CHN1: variants seen among roughly 807,000 people sequenced by gnomAD.
The protein encoded by CHN1 is chimerin 1, also known as N-chimaerin.
In CHN1, 37 loss-of-function variants were observed where a neutral mutation model predicts 59.5. That is an observed-to-expected ratio of 0.62 (90% CI 0.48 to 0.82). The LOEUF is 0.82. CHN1 is among the 40% of genes least tolerant of loss of function. CHN1 has a pLI of 0.00. For missense variants in CHN1, 469 were observed against 571.0 expected, an observed-to-expected ratio of 0.82 and a Z score of 1.82; for synonymous variants, 206 against 200.4, an observed-to-expected ratio of 1.03 and a Z score of -0.24.
chr2:174,897,004 G>A (rs575480167), intron 5 of CHN1, among the ~76,000 whole-genome samples: 98 of 152,224 alleles, frequency 6.4e-4, no homozygotes, highest in African/African-American at 2.3e-3. Context: ...AGCACAGAGA[G>A]GAGGGAAGCA....
intron 1 of CHN1, among the ~76,000 whole-genome samples, chr2:174,953,622 A>C (rs982779471): frequency 6.6e-6 from 1 of 152,180 alleles, no homozygotes; most frequent in South Asian, 2.1e-4. Flanking sequence ...CTATACACCA[A>C]CTGTGACCAA....
At chr2:174,800,372 A>G (rs1684681233) in intron 12 of CHN1, 85 bp from the exon 13 acceptor site, 1 of 1,093,740 alleles carries the variant, frequency 9.1e-7, no homozygotes. Flanking sequence ...AACAAGATTC[A>G]CAATAAAAGT....
chr2:174,845,890 A>G (rs1330701198), intron 7 of CHN1, among the ~76,000 whole-genome samples: 4 of 152,144 alleles, frequency 2.6e-5, no homozygotes, highest in African/African-American at 9.7e-5. Flanking sequence ...AGCCTGGTGC[A>G]TTATAGGTGC....
chr2:174,840,653 A>G (rs1463062589), intron 7 of CHN1, among the ~76,000 whole-genome samples: 2 of 152,190 alleles, frequency 1.3e-5, no homozygotes, highest in African/African-American at 2.4e-5. Flanking sequence ...GCAAGGAGGA[A>G]ACGGAGCTAG....
chr2:174,880,889 A>C (rs1255572765), intron 5 of CHN1, among the ~76,000 whole-genome samples: 1 of 152,078 alleles, frequency 6.6e-6, no homozygotes, highest in Non-Finnish European at 1.5e-5. Context: ...TCTACTAAAA[A>C]TACAAAATTA....
intron 7 of CHN1, among the ~76,000 whole-genome samples, chr2:174,839,621 T>G (rs889617526): frequency 1.3e-5 from 2 of 150,838 alleles, no homozygotes; most frequent in African/African-American, 4.9e-5. Context: ...TTTTTTTTTT[T>G]GACATAGGGT....
rs577399967 is a variant in CHN1 at position 174,799,816 on chromosome 2, C to T, written c.*300G>A. On this transcript the variant is annotated 3_prime_UTR_variant, in exon 13 of 13. Transcript: ENST00000409900. ...ACCCAGGACGCAGAGGCGGTGCAGG[C>T]GCAGGTTTGTTGTTTCTTCTGTATG... 8 of 554,582 alleles carry T rather than the reference C, an allele frequency of 1.4e-5. No individual in the cohort carries two copies. The highest frequency in any genetic ancestry group is 7.3e-5 in the African/African-American group (4 of 54,676). 34.4% of individuals were successfully genotyped at this position (554,582 alleles called of 1,614,324 possible). A position where few individuals can be genotyped will look rare whatever the true frequency, so the allele number is the denominator to read the frequency against.
chr2:174,918,643 G>T, intron 3 of CHN1, 78 bp from the exon 4 acceptor site: 1 of 1,174,392 alleles, frequency 8.5e-7, no homozygotes, highest in Non-Finnish European at 1.2e-6. Context: ...TTGTGCATGT[G>T]ACAAAGTAAA....
At chr2:174,989,289 T>C (rs1224653098) in intron 1 of CHN1, among the ~76,000 whole-genome samples, 1 of 151,856 alleles carries the variant, frequency 6.6e-6, no homozygotes, top group Non-Finnish European at 1.5e-5. Flanking sequence ...GACAGGAGAA[T>C]GGCTTGAAAC....
At chr2:174,897,801 T>G (rs2105353217) in intron 5 of CHN1, among the ~76,000 whole-genome samples, 1 of 152,282 alleles carries the variant, frequency 6.6e-6, no homozygotes, top group East Asian at 1.9e-4. Context: ...ATCTATTCTC[T>G]TCTGGGACTA....
intron 3 of CHN1, among the ~76,000 whole-genome samples, chr2:174,934,564 T>C (rs1393602226): frequency 6.6e-6 from 1 of 152,164 alleles, no homozygotes; most frequent in African/African-American, 2.4e-5. Flanking sequence ...TATTAGAGGT[T>C]TGAGAAGAGA....
intron 1 of CHN1, among the ~76,000 whole-genome samples, chr2:174,998,523 A>G (rs1691785567): frequency 6.6e-6 from 1 of 152,072 alleles, no homozygotes; most frequent in Non-Finnish European, 1.5e-5. Flanking sequence ...AACATATGCA[A>G]TCCAAAGGAA....
intron 6 of CHN1, among the ~76,000 whole-genome samples, chr2:174,858,415 T>C (rs1220624458): frequency 6.6e-6 from 1 of 152,186 alleles, no homozygotes; most frequent in Non-Finnish European, 1.5e-5. Context: ...AACAGTGGCC[T>C]GAAGACAAAA....
At chr2:174,915,682 A>T (rs1340373302) in intron 4 of CHN1, among the ~76,000 whole-genome samples, 1 of 152,186 alleles carries the variant, frequency 6.6e-6, no homozygotes, top group African/African-American at 2.4e-5. Context: ...TGAACACTCA[A>T]GTCCAAAGCA....
chr2:174,946,459 G>A (rs1316763144), intron 2 of CHN1, among the ~76,000 whole-genome samples: 2 of 152,018 alleles, frequency 1.3e-5, no homozygotes, highest in Non-Finnish European at 2.9e-5. Flanking sequence ...AAATTCTACT[G>A]GTAGAAATGT....
At chr2:174,815,426 T>G (rs1685215265) in intron 8 of CHN1, among the ~76,000 whole-genome samples, 3 of 152,332 alleles carry the variant, frequency 2.0e-5, no homozygotes, top group South Asian at 2.1e-4. Flanking sequence ...GTTGTTTAAC[T>G]TGGATAATTT....
At chr2:174,936,749 T>C (rs569200373) in intron 3 of CHN1, among the ~76,000 whole-genome samples, 141 of 152,312 alleles carry the variant, frequency 9.3e-4, no homozygotes, top group Non-Finnish European at 1.5e-3. Flanking sequence ...ATTCTGACTA[T>C]ATAAGACTTT....
chr2:174,913,925 C>T (rs1055117332), intron 5 of CHN1, among the ~76,000 whole-genome samples: 6 of 152,102 alleles, frequency 3.9e-5, no homozygotes, highest in Middle Eastern at 3.2e-3. Context: ...TAAGTCTTTT[C>T]CAAATAGATG....
In CHN1 at chr2:174,817,638, CTTTTTTTT is replaced by C. The variant is rs958427207; in HGVS notation, c.713-5164_713-5157del. Among the ~76,000 whole-genome samples the C allele has an allele frequency of 3.9e-5, 5 of 129,438 alleles. No individual in the cohort carries two copies. In the Admixed American group the frequency reaches 3.9e-4, roughly 10 times the overall value. 84.9% of individuals were successfully genotyped at this position (129,438 alleles called of 152,430 possible). Reference sequence around the variant, plus strand: ...CGCTACGCCCAGCTGATTTTTTTTTCTTTTTTTTTTTTTTTTTGAGACGGAGTCTCGCT... The same window carrying C: ...CGCTACGCCCAGCTGATTTTTTTTTCTTTTTTTTTGAGACGGAGTCTCGCT... On this transcript the variant is annotated intron_variant, in intron 8 of 12. Transcript: ENST00000409900.
Sources: gnomAD v4.1 joint callset for allele counts (sites outside exome capture counted in the v4.1 genomes callset) on GRCh38, gnomAD v4.1.1 for gene constraint, MANE v1.5 for transcripts, NCBI Gene and HGNC (gene_info 2026-07-23, HGNC 2026-07-21) for gene names.